Variants in MIDEAS observed in about 807,000 individuals in gnomAD.
The protein encoded by MIDEAS is mitotic deacetylase-associated SANT domain protein.
In MIDEAS, 26 loss-of-function variants were observed where a neutral mutation model predicts 102.7. The observed-to-expected ratio is 0.25, with a 90% CI of 0.19 to 0.35. The LOEUF is 0.35. MIDEAS is among the 10% of genes least tolerant of loss of function. The probability of loss-of-function intolerance (pLI) is 1.00; values close to 1 mark genes in which losing one functional copy is unlikely to be tolerated. For synonymous variants in MIDEAS, 585 were observed against 591.0 expected (o/e 0.99, Z 0.15); for missense variants, 1,231 against 1,435.6 (o/e 0.86, Z 2.30).
At chr14:73,730,308 G>T in intron 3 of MIDEAS, 1 of 430,542 alleles carries the variant, frequency 2.3e-6, no homozygotes, top group Non-Finnish European at 4.4e-6. Flanking sequence ...TCTTAGCTCT[G>T]GATCTGGCCC....
chr14:73,757,363 A>C (rs1359945221), intron 1 of MIDEAS, among the ~76,000 whole-genome samples: 1 of 151,304 alleles, frequency 6.6e-6, no homozygotes, highest in African/African-American at 2.4e-5. Flanking sequence ...CAAATACTGA[A>C]ATGTGCTTTA....
chr14:73,783,091 T>C (rs753059738), intron 1 of MIDEAS, among the ~76,000 whole-genome samples: 1 of 152,198 alleles, frequency 6.6e-6, no homozygotes, highest in Non-Finnish European at 1.5e-5. Context: ...TCCAGTTTAG[T>C]TGAAGAATTG....
intron 1 of MIDEAS, among the ~76,000 whole-genome samples, chr14:73,783,164 G>A (rs1458510548): frequency 6.6e-6 from 1 of 152,160 alleles, no homozygotes. Context: ...CAAAGTCATG[G>A]CCCAAAAGAG....
At chr14:73,744,810 G>T (rs962239673) in intron 1 of MIDEAS, among the ~76,000 whole-genome samples, 2 of 152,084 alleles carry the variant, frequency 1.3e-5, no homozygotes, top group African/African-American at 4.8e-5. Flanking sequence ...CTTTTCATCA[G>T]GCCAGGTCCT....
upstream of MIDEAS, among the ~76,000 whole-genome samples, chr14:73,763,178 AAAT>A (rs1446356395): frequency 1.3e-5 from 2 of 152,142 alleles, no homozygotes; most frequent in Non-Finnish European, 2.9e-5. Flanking sequence ...CTCTACAAAA[AAAT>A]ACAAAAATTA....
chr14:73,719,372 T>C lies in MIDEAS; in HGVS notation c.3067A>G (p.Lys1023Glu). The change falls in exon 12 of 13, where the codon AAA (lysine) becomes GAA (glutamate). Residue 1023 changes from lysine to glutamate, a missense_variant. Transcript: ENST00000423556. ...RRALPFSEKK[K>E]KTETFSKTQN... ...GTCTTACTGAATGTCTCTGTTTTTTTCTTCTTCTCTGAAAAAGGTAGTGCC... is the reference window on the plus strand; with the variant it reads ...GTCTTACTGAATGTCTCTGTTTTTTCCTTCTTCTCTGAAAAAGGTAGTGCC... 1 of 1,614,018 alleles carries C rather than the reference T, an allele frequency of 6.2e-7. No individual in the cohort carries two copies. Among genetic ancestry groups the C allele is most frequent in the Non-Finnish European group, 8.5e-7 (1 of 1,179,954 alleles).
chr14:73,723,571 A>C (rs149562258), intron 9 of MIDEAS: 1 of 152,356 alleles, frequency 6.6e-6, no homozygotes, highest in Non-Finnish European at 1.5e-5. Flanking sequence ...GGATGACTGT[A>C]ACTTACTTTT....
upstream of MIDEAS, among the ~76,000 whole-genome samples, chr14:73,764,117 A>G (rs1595291846): frequency 6.6e-6 from 1 of 152,266 alleles, no homozygotes; most frequent in Middle Eastern, 3.4e-3. Context: ...AAGCGGGCGG[A>G]TCATCTGAGT....
chr14:73,719,378 TCTC>T lies in MIDEAS; in HGVS notation c.3058_3060del (p.Glu1020del), dbSNP rs772086532. Reference sequence around the variant, plus strand: ...CTGAATGTCTCTGTTTTTTTCTTCTTCTCTGAAAAAGGTAGTGCCCTTCGTGAC... The same window carrying T: ...CTGAATGTCTCTGTTTTTTTCTTCTTTGAAAAAGGTAGTGCCCTTCGTGAC... On this transcript the variant is annotated inframe_deletion, in exon 12 of 13. Coordinates refer to ENST00000423556, the MANE Select transcript of MIDEAS (RefSeq NM_001367710.1). The T allele has an allele frequency of 3.7e-6, 6 of 1,613,974 alleles. No homozygotes were observed. In the South Asian group the frequency reaches 6.6e-5, roughly 18 times the overall value.
rs781505147 is a variant in MIDEAS at position 73,717,499 on chromosome 14, GCT to G, written c.*1342_*1343del. On this transcript the variant is annotated 3_prime_UTR_variant, in exon 13 of 13. Coordinates refer to ENST00000423556, the MANE Select transcript of MIDEAS (RefSeq NM_001367710.1). ...AGCAAGAACTGCCTTAATCTCCCTT[GCT>G]CTGTGTGGGTCTGGTGACACCCTCC... is the stretch of plus-strand genomic sequence containing the variant. The G allele has an allele frequency of 2.0e-5, 3 of 152,458 alleles. No individual in the cohort carries two copies. The highest frequency in any genetic ancestry group is 4.4e-5 in the Non-Finnish European group (3 of 68,060). 9.4% of individuals were successfully genotyped at this position (152,458 alleles called of 1,614,324 possible). A position where few individuals can be genotyped will look rare whatever the true frequency, so the allele number is the denominator to read the frequency against.
chr14:73,750,147 C>T (rs1253734673), intron 1 of MIDEAS, among the ~76,000 whole-genome samples: 14 of 152,170 alleles, frequency 9.2e-5, no homozygotes, highest in Admixed American at 9.2e-4. Flanking sequence ...TCTACAAATT[C>T]GAATCCATGC....
rs2053211504 is a variant in MIDEAS at position 73,737,123 on chromosome 14, C to G, written c.1624G>C (p.Ala542Pro). Reference sequence around the variant, plus strand: ...TCCTCATCAAGACCTCCAGCCTGGGCTGCCTCAGTTGGGTCCACAGTTCGC... The same window carrying G: ...TCCTCATCAAGACCTCCAGCCTGGGGTGCCTCAGTTGGGTCCACAGTTCGC... Reference protein sequence around the residue: ...PVRTVDPTEAAQAGGLDEDGK... With the variant: ...PVRTVDPTEAPQAGGLDEDGK... The change falls in exon 3 of 13, where the codon GCC (alanine) becomes CCC (proline). Residue 542 changes from alanine (A) to proline (P), a missense_variant. Around this residue, in one of 5 missense-constraint regions of MIDEAS, gnomAD observed 758 missense variants for 856.0 expected, o/e 0.89. Coordinates refer to ENST00000423556, the MANE Select transcript of MIDEAS (RefSeq NM_001367710.1). The G allele has an allele frequency of 6.2e-7, 1 of 1,614,092 alleles. No homozygotes were observed. Among genetic ancestry groups the G allele is most frequent in the Non-Finnish European group, 8.5e-7 (1 of 1,180,000 alleles).
chr14:73,783,853 T>G (rs1271072197), intron 1 of MIDEAS, among the ~76,000 whole-genome samples: 1 of 152,210 alleles, frequency 6.6e-6, no homozygotes, highest in Non-Finnish European at 1.5e-5. Context: ...CTTAAGCGAC[T>G]AGAATGCCCT....
intron 1 of MIDEAS, among the ~76,000 whole-genome samples, chr14:73,751,368 T>C (rs998633935): frequency 6.6e-6 from 1 of 152,206 alleles, no homozygotes; most frequent in Admixed American, 6.5e-5. Context: ...TGCTCACGTC[T>C]GCTCCCTGGA....
upstream of MIDEAS, among the ~76,000 whole-genome samples, chr14:73,788,606 C>A (rs1014873211): frequency 6.6e-6 from 1 of 152,150 alleles, no homozygotes; most frequent in African/African-American, 2.4e-5. Flanking sequence ...ACATTAATGG[C>A]ACATTATAAA....
chr14:73,728,360 T>C (rs2053092324), intron 4 of MIDEAS: 1 of 152,084 alleles, frequency 6.6e-6, no homozygotes, highest in Admixed American at 6.6e-5. Context: ...TCCGCTTCCA[T>C]TTGTACCTCC....
At chr14:73,743,289 C>T (rs1212935136) in intron 1 of MIDEAS, among the ~76,000 whole-genome samples, 1 of 152,196 alleles carries the variant, frequency 6.6e-6, no homozygotes, top group African/African-American at 2.4e-5. Flanking sequence ...TTGGCAGGTA[C>T]TCTCTCCCAT....
chr14:73,772,264 T>C (rs1460164551), intron 1 of MIDEAS, among the ~76,000 whole-genome samples: 1 of 152,230 alleles, frequency 6.6e-6, no homozygotes. Context: ...TCTTTGAAGT[T>C]AAGGCCTTGT....
chr14:73,777,215 A>T (rs1413377407), intron 1 of MIDEAS, among the ~76,000 whole-genome samples: 4 of 151,932 alleles, frequency 2.6e-5, no homozygotes, highest in Admixed American at 6.6e-5. Context: ...CCCATTCTGG[A>T]AGGGGTGGCA....
Sources: gnomAD v4.1 joint callset for allele counts (sites outside exome capture counted in the v4.1 genomes callset) on GRCh38, gnomAD v4.1.1 for gene constraint, gnomAD v4.1.1 regional missense constraint, MANE v1.5 for transcripts, NCBI Gene and HGNC (gene_info 2026-07-23, HGNC 2026-07-21) for gene names.